LHX5: variants seen among roughly 807,000 people sequenced by gnomAD.
The protein encoded by LHX5 is LIM/homeobox protein Lhx5.
LHX5 carries 5 observed loss-of-function variants against 30.6 expected under a neutral mutation model. The ratio of observed to expected loss-of-function variants is 0.16; its 90% CI spans 0.09 to 0.34. The LOEUF (loss-of-function observed/expected upper bound fraction) is 0.34. Among genes scored for constraint, LHX5 ranks in the 10% least tolerant of loss-of-function variants. LHX5 has a pLI of 1.00. For missense variants in LHX5, 458 were observed against 570.6 expected, an observed-to-expected ratio of 0.80 and a Z score of 2.01; for synonymous variants, 266 against 252.6, an observed-to-expected ratio of 1.05 and a Z score of -0.50.
chr12:113,469,008 A>G, intron 2 of LHX5, 114 bp downstream of exon 2: 1 of 775,636 alleles, frequency 1.3e-6, no homozygotes, highest in Non-Finnish European at 2.0e-6. Flanking sequence ...CCTGGGGCTG[A>G]TGAGCTCCAA....
chr12:113,469,195 G>A lies in LHX5; in HGVS notation c.324C>T (p.Ile108=), dbSNP rs1266819930. 1 of 1,614,252 alleles carries A rather than the reference G, an allele frequency of 6.2e-7. No individual in the cohort carries two copies. The highest frequency in any genetic ancestry group is 1.3e-5 in the African/African-American group (1 of 75,076). Residue 108 remains isoleucine (I), a synonymous_variant, in exon 2 of 5, where the codon ATC becomes ATT. Coordinates refer to ENST00000261731, the MANE Select transcript of LHX5 (RefSeq NM_022363.3). ...CTTTGCACACGAACTTGTTCTCGTC[G>A]ATGACGTAGAGCTCCTCGCCGGTGG... ...QLSTGEELYV[I]DENKFVCKDD...
At position 113,466,403 on chromosome 12, in the gene LHX5, G is replaced by C. The variant is rs966060624; in HGVS notation, c.841+853C>G. On this transcript the variant is annotated intron_variant, in intron 4 of 4. Coordinates refer to ENST00000261731, the MANE Select transcript of LHX5 (RefSeq NM_022363.3). The surrounding 1 kb of genome is among the most constrained non-coding windows in gnomAD (Gnocchi z 6.5). ...TCCAGTGTGAGGGAAGTGAGAGGAG[G>C]AAAAGCTGAGGTGGCAAGGGGACAG... 2.0e-5 allele frequency among the ~76,000 whole-genome samples: 3 copies of C among 152,182 alleles called. No homozygotes were observed. The highest frequency in any genetic ancestry group is 3.2e-3 in the Middle Eastern group (1 of 316).
Position 113,464,754 on chromosome 12 carries a change from GCT to G in LHX5, c.842-1199_842-1198del, listed in dbSNP as rs1251118308. On this transcript the variant is annotated intron_variant, in intron 4 of 4. Coordinates refer to ENST00000261731, the MANE Select transcript of LHX5 (RefSeq NM_022363.3). This position sits in a 1 kb window ranked among gnomAD's most constrained non-coding sequence, Gnocchi z 6.2. ...TTTGAGAAGCTGGTGATAGCTATGGGCTCTCTCTCAAGGAAAATGCAAGGATG... is the reference window on the plus strand; with the variant it reads ...TTTGAGAAGCTGGTGATAGCTATGGGCTCTCTCAAGGAAAATGCAAGGATG... Among the ~76,000 whole-genome samples the G allele has an allele frequency of 2.6e-5, 4 of 152,152 alleles. No individual in the cohort carries two copies. Among genetic ancestry groups the G allele is most frequent in the African/African-American group, 4.8e-5 (2 of 41,418 alleles).
intron 3 of LHX5, 71 bp downstream of exon 3, chr12:113,468,056 G>A (rs1361790958): frequency 1.4e-6 from 2 of 1,445,710 alleles, no homozygotes; most frequent in African/African-American, 2.9e-5. Context: ...GAAGCTTGGC[G>A]GGAGACTCCT....
rs747164483 is a variant in LHX5, at chr12:113,465,501, C to G, written c.841+1755G>C. ...GCCCGGCCCCTTTCTCGCCCGCTGC[C>G]GGTCGCCACCGCCGGGATCTCCCAG... On this transcript the variant is annotated intron_variant, in intron 4 of 4. Coordinates refer to ENST00000261731, the MANE Select transcript of LHX5 (RefSeq NM_022363.3). This position sits in a 1 kb window ranked among gnomAD's most constrained non-coding sequence, Gnocchi z 6.7. 6.6e-6 allele frequency among the ~76,000 whole-genome samples: 1 copy of G among 152,232 alleles called. No individual in the cohort carries two copies. Among genetic ancestry groups the G allele is most frequent in the African/African-American group, 2.4e-5 (1 of 41,470 alleles).
Position 113,471,596 on chromosome 12 carries a change from A to C in LHX5, c.-98T>G, listed in dbSNP as rs1958252514. 2.5e-6 allele frequency: 3 copies of C among 1,181,560 alleles called. No homozygotes were observed. In the Admixed American group the frequency reaches 7.6e-5, roughly 30 times the overall value. 73.2% of individuals were successfully genotyped at this position (1,181,560 alleles called of 1,614,324 possible). A position where few individuals can be genotyped will look rare whatever the true frequency, so the allele number is the denominator to read the frequency against. On this transcript the variant is annotated 5_prime_UTR_variant, in exon 1 of 5. Transcript: ENST00000261731. The stretch of plus-strand genomic sequence containing the variant: ...TCCGCTGCCCTTCGCCTCTTGTCTC[A>C]GCAGCTGCAGGGCGAGTCTGGTCCG...
intron 1 of LHX5, among the ~76,000 whole-genome samples, chr12:113,471,053 C>G (rs1203694171): frequency 2.0e-5 from 3 of 152,196 alleles, no homozygotes; most frequent in Non-Finnish European, 4.4e-5. Context: ...GAGTGGATAG[C>G]AAGTTTGTCA....
chr12:113,470,207 G>T (rs1477476962), intron 1 of LHX5, among the ~76,000 whole-genome samples: 3 of 152,182 alleles, frequency 2.0e-5, no homozygotes, highest in Non-Finnish European at 4.4e-5. Flanking sequence ...GCTCAGGTTG[G>T]GGGTGGGGTG....
At chr12:113,470,708 G>T (rs912762783) in intron 1 of LHX5, among the ~76,000 whole-genome samples, 22 of 152,252 alleles carry the variant, frequency 1.4e-4, no homozygotes, top group African/African-American at 5.1e-4. Context: ...GGGTAGGGGG[G>T]CTGGGGAGGT....
intron 2 of LHX5, 112 bp downstream of exon 2, chr12:113,469,010 G>A (rs941122857): frequency 1.3e-6 from 1 of 783,868 alleles, no homozygotes; most frequent in Non-Finnish European, 2.0e-6. Flanking sequence ...TGGGGCTGAT[G>A]AGCTCCAAGC....
In LHX5 at chr12:113,469,227, G is replaced by C; in HGVS notation, c.292C>G (p.Gln98Glu). ...TAGAGCTCCTCGCCGGTGGACAGCT[G>C]CTTGTTACACACCATGCAGGTGAAA... ...NCFTCMVCNK[Q>E]LSTGEELYVI... The change falls in exon 2 of 5, where the codon CAG becomes GAG. Residue 98 changes from glutamine to glutamate, a missense_variant. Physicochemically the swap from Gln to Glu is conservative, Grantham distance 29. This residue lies in a region of LHX5 where 178 missense variants were observed against 238.5 expected (regional missense o/e 0.75). Transcript: ENST00000261731. 6.2e-7 allele frequency: 1 copy of C among 1,614,234 alleles called. No homozygotes were observed. The highest frequency in any genetic ancestry group is 1.1e-5 in the South Asian group (1 of 91,088).
chr12:113,464,115 C>T lies in LHX5; in HGVS notation c.842-558G>A, dbSNP rs1218388060. ...GAGGGTCGCGGAGGAGTCGAGGAGA[C>T]GCAGAGAGAGGAAAGACGGCCGCGG... On this transcript the variant is annotated intron_variant, in intron 4 of 4. Transcript: ENST00000261731. The surrounding 1 kb of genome is among the most constrained non-coding windows in gnomAD (Gnocchi z 6.2). Among the ~76,000 whole-genome samples the T allele has an allele frequency of 6.6e-6, 1 of 152,062 alleles. No homozygotes were observed. The highest frequency in any genetic ancestry group is 1.5e-5 in the Non-Finnish European group (1 of 68,014).
chr12:113,470,386 A>G (rs4767075), intron 1 of LHX5, among the ~76,000 whole-genome samples: 8,496 of 152,322 alleles, frequency 0.056, 302 homozygotes, highest in Middle Eastern at 0.1. Context: ...ATCATTAGGC[A>G]CTTTGCAAGC....
At chr12:113,469,050 T>G in intron 2 of LHX5, 72 bp downstream of exon 2, 1 of 1,166,594 alleles carries the variant, frequency 8.6e-7, no homozygotes, top group Non-Finnish European at 1.2e-6. Flanking sequence ...GGGGGCCAAG[T>G]AGGGAGTGCC....
rs1022196231 is a variant in LHX5, at chr12:113,471,853, C to G, written c.-355G>C. 12 of 275,196 alleles carry G rather than the reference C, an allele frequency of 4.4e-5. No homozygotes were observed. Among genetic ancestry groups the G allele is most frequent in the South Asian group, 1.0e-4 (1 of 9,826 alleles). 17.0% of individuals were successfully genotyped at this position (275,196 alleles called of 1,614,324 possible). Reference sequence around the variant, plus strand: ...CACTTTCCCCCACTTTCAAGCGGTCCGGATCCTCATCTTTGTCTGGTCGCC... The same window carrying G: ...CACTTTCCCCCACTTTCAAGCGGTCGGGATCCTCATCTTTGTCTGGTCGCC... On this transcript the variant is annotated 5_prime_UTR_variant, in exon 1 of 5. Coordinates refer to ENST00000261731, the MANE Select transcript of LHX5 (RefSeq NM_022363.3).
At chr12:113,468,092 C>A in intron 3 of LHX5, 35 bp downstream of exon 3, 1 of 1,481,296 alleles carries the variant, frequency 6.8e-7, no homozygotes, top group South Asian at 1.3e-5. Context: ...CCCAGGCCAG[C>A]GGGGCTAAGG....
Position 113,463,650 on chromosome 12 carries a change from G to A in LHX5, c.842-93C>T, listed in dbSNP as rs1958193204. 1.5e-6 allele frequency: 2 copies of A among 1,324,306 alleles called. No individual in the cohort carries two copies. The allele number at this position is 1,324,306 out of a possible 1,614,324, so 82.0% of individuals were successfully genotyped here. On this transcript the variant is annotated intron_variant, in intron 4 of 4. Coordinates refer to ENST00000261731, the MANE Select transcript of LHX5 (RefSeq NM_022363.3). This position sits in a 1 kb window ranked among gnomAD's most constrained non-coding sequence, Gnocchi z 6.7. Reference sequence around the variant, plus strand: ...ACCCGGGGAGGGGACCCGGGCGGGCGAGAGAGGGGAGCGCGCGACACCGAC... The same window carrying A: ...ACCCGGGGAGGGGACCCGGGCGGGCAAGAGAGGGGAGCGCGCGACACCGAC...
rs1293232499 is a variant in LHX5, at chr12:113,464,725, A to G, written c.842-1168T>C. 1.3e-5 allele frequency among the ~76,000 whole-genome samples: 2 copies of G among 152,124 alleles called. No homozygotes were observed. Among genetic ancestry groups the G allele is most frequent in the East Asian group, 3.9e-4 (2 of 5,192 alleles). ...TTCTGAAGCATCTGAGGACATTGAGATCTTTTGAGAAGCTGGTGATAGCTA... is the reference window on the plus strand; with the variant it reads ...TTCTGAAGCATCTGAGGACATTGAGGTCTTTTGAGAAGCTGGTGATAGCTA... On this transcript the variant is annotated intron_variant, in intron 4 of 4. Coordinates refer to ENST00000261731, the MANE Select transcript of LHX5 (RefSeq NM_022363.3). This position sits in a 1 kb window ranked among gnomAD's most constrained non-coding sequence, Gnocchi z 6.2.
rs1451288006 is a variant in LHX5, at chr12:113,468,292, C to T, written c.510G>A (p.Glu170=). 13 of 1,614,170 alleles carry T rather than the reference C, an allele frequency of 8.1e-6. No homozygotes were observed. Among genetic ancestry groups the T allele is most frequent in the Non-Finnish European group, 1.1e-5 (13 of 1,179,976 alleles). Residue 170 remains glutamate (E), a synonymous_variant, in exon 3 of 5, where the codon GAG becomes GAA. Coordinates refer to ENST00000261731, the MANE Select transcript of LHX5 (RefSeq NM_022363.3). ...TGGTGCCCGAGTTCTGCTCCTCGTT[C>T]TCGTTGTTGGCCGTCTCCTTGTCCG... ...TSSDKETANN[E]NEEQNSGTKR...
Sources: allele counts gnomAD v4.1 joint callset (sites outside exome capture counted in the v4.1 genomes callset), GRCh38; gene constraint gnomAD v4.1.1; regional missense constraint gnomAD v4.1.1; non-coding constraint Gnocchi (gnomAD v3.1); transcripts MANE v1.5; gene names NCBI Gene and HGNC (gene_info 2026-07-23, HGNC 2026-07-21).